Variants in SH3RF3 observed in about 807,000 individuals in gnomAD.
SH3RF3 encodes the protein E3 ubiquitin-protein ligase SH3RF3.
In SH3RF3, 29 loss-of-function variants were observed where a neutral mutation model predicts 66.3. The ratio of observed to expected loss-of-function variants is 0.44; its 90% CI spans 0.33 to 0.60. The LOEUF (loss-of-function observed/expected upper bound fraction) is 0.60. Among genes scored for constraint, SH3RF3 ranks in the 20% least tolerant of loss-of-function variants. SH3RF3 has a pLI of 0.04. For missense variants in SH3RF3, 1,194 were observed against 1,190.9 expected (o/e 1.00, Z -0.04); for synonymous variants, 583 against 532.0 (o/e 1.10, Z -1.32).
chr2:109,233,272 G>A (rs995992208), intron 1 of SH3RF3, among the ~76,000 whole-genome samples: 13 of 152,182 alleles, frequency 8.5e-5, no homozygotes, highest in African/African-American at 3.1e-4. Context: ...GATGGTGAAT[G>A]CAGAGGTTGT....
chr2:109,210,397 C>T (rs1237298640), intron 1 of SH3RF3, among the ~76,000 whole-genome samples: 1 of 152,224 alleles, frequency 6.6e-6, no homozygotes, highest in African/African-American at 2.4e-5. Context: ...TTTCCGTGCT[C>T]CCTCGTTTTG....
chr2:109,435,774 T>A (rs1484014566), intron 6 of SH3RF3, among the ~76,000 whole-genome samples: 2 of 152,346 alleles, frequency 1.3e-5, no homozygotes, highest in East Asian at 3.9e-4. Flanking sequence ...ATTTAGTTTT[T>A]AAAAATGATT....
At chr2:109,288,815 C>CTTTTTTTTTTTTTTTT (rs1559003628) in intron 1 of SH3RF3, among the ~76,000 whole-genome samples, 3 of 152,136 alleles carry the variant, frequency 2.0e-5, no homozygotes, top group African/African-American at 7.2e-5. Flanking sequence ...AAATCACTTT[C>CTTTTTTTTTTTTTTTT]TTATTTAGTA....
chr2:109,477,846 GCT>G (rs1491495080), intron 8 of SH3RF3, among the ~76,000 whole-genome samples: 2 of 152,130 alleles, frequency 1.3e-5, no homozygotes, highest in African/African-American at 4.8e-5. Flanking sequence ...ACCTCCTAAG[GCT>G]ATCACACTGG....
chr2:109,349,086 G>A (rs774123924), intron 2 of SH3RF3, among the ~76,000 whole-genome samples: 2 of 151,788 alleles, frequency 1.3e-5, no homozygotes, highest in African/African-American at 2.4e-5. Flanking sequence ...ATTCTAACTC[G>A]AATCTCTGCT....
At chr2:109,390,142 T>A (rs1443333689) in intron 3 of SH3RF3, among the ~76,000 whole-genome samples, 1 of 152,166 alleles carries the variant, frequency 6.6e-6, no homozygotes, top group African/African-American at 2.4e-5. Context: ...CTGCCAAGGG[T>A]CTGAGGTCTC....
Position 109,347,811 on chromosome 2 carries a change from C to T in SH3RF3, c.711C>T (p.His237=), listed in dbSNP as rs372876669. 208 of 1,613,862 alleles carry T rather than the reference C, an allele frequency of 1.3e-4. No individual in the cohort carries two copies. The Middle Eastern group carries it at 3.0e-3, about 23-fold the overall frequency. Reference sequence around the variant, plus strand: ...AACAGTGGTACCACGGCGAGCTGCACGGCACACAGGGCTTCCTCCCAGCCA... The same window carrying T: ...AACAGTGGTACCACGGCGAGCTGCATGGCACACAGGGCTTCCTCCCAGCCA... ...VDEQWYHGEL[H]GTQGFLPASY... is the part of the protein sequence containing the mutation. The change falls in exon 2 of 10, where the codon CAC becomes CAT. Residue 237 remains histidine (H), a synonymous_variant. Coordinates refer to ENST00000309415, the MANE Select transcript of SH3RF3 (RefSeq NM_001099289.3).
chr2:109,185,084 G>A (rs1259186233), intron 1 of SH3RF3, among the ~76,000 whole-genome samples: 1 of 152,174 alleles, frequency 6.6e-6, no homozygotes, highest in Non-Finnish European at 1.5e-5. Flanking sequence ...CTGTTACACC[G>A]TGGAGATAGT....
At chr2:109,345,854 C>T (rs577939926) in intron 1 of SH3RF3, among the ~76,000 whole-genome samples, 2 of 152,290 alleles carry the variant, frequency 1.3e-5, no homozygotes, top group East Asian at 1.9e-4. Flanking sequence ...AGAGGCTGTC[C>T]TGGGCATTGC....
chr2:109,419,517 G>T, intron 4 of SH3RF3, 22 bp from the exon 5 acceptor site: 7 of 1,573,346 alleles, frequency 4.4e-6, no homozygotes, highest in East Asian at 2.3e-5. Context: ...CCTCACTCCT[G>T]TCCCCTCTTG....
intron 8 of SH3RF3, among the ~76,000 whole-genome samples, chr2:109,477,230 C>T (rs1310913376): frequency 6.6e-6 from 1 of 152,230 alleles, no homozygotes; most frequent in African/African-American, 2.4e-5. Context: ...TGCACACCCT[C>T]ACGTGGTGAC....
At chr2:109,304,973 A>C (rs1681557453) in intron 1 of SH3RF3, among the ~76,000 whole-genome samples, 1 of 152,110 alleles carries the variant, frequency 6.6e-6, no homozygotes, top group African/African-American at 2.4e-5. Flanking sequence ...TATGAGTAGG[A>C]ATGTTTAATG....
intron 1 of SH3RF3, among the ~76,000 whole-genome samples, chr2:109,296,955 C>G (rs1237252232): frequency 6.6e-6 from 1 of 152,106 alleles, no homozygotes; most frequent in Non-Finnish European, 1.5e-5. Context: ...GGGGACCTAC[C>G]CTGAGGAGCT....
chr2:109,501,735 C>T lies in SH3RF3; in HGVS notation c.*64C>T, dbSNP rs760266172. 3 of 695,902 alleles carry T rather than the reference C, an allele frequency of 4.3e-6. No individual in the cohort carries two copies. The highest frequency in any genetic ancestry group is 1.8e-5 in the African/African-American group (1 of 57,088). 43.1% of individuals were successfully genotyped at this position (695,902 alleles called of 1,614,324 possible). A position where few individuals can be genotyped will look rare whatever the true frequency, so the allele number is the denominator to read the frequency against. On this transcript the variant is annotated 3_prime_UTR_variant, in exon 10 of 10. Transcript: ENST00000309415. ...GCCGCCTGGGAAGCTCCACGGCACA[C>T]AGAGAGGGAGCCATGGCGCCCCAAG...
At chr2:109,438,593 C>T (rs533791045) in intron 7 of SH3RF3, among the ~76,000 whole-genome samples, 2 of 152,296 alleles carry the variant, frequency 1.3e-5, no homozygotes, top group South Asian at 4.1e-4. Flanking sequence ...TCTTGGTTTT[C>T]ACACCCCTGG....
intron 1 of SH3RF3, among the ~76,000 whole-genome samples, chr2:109,256,714 G>A (rs962050978): frequency 6.6e-6 from 1 of 152,190 alleles, no homozygotes; most frequent in Non-Finnish European, 1.5e-5. Context: ...CTTGTGTGGA[G>A]TTAACTTTTA....
rs571220760 is a variant in SH3RF3 at position 109,482,219 on chromosome 2, A to G, written c.2149-8386A>G. 2.1e-4 allele frequency among the ~76,000 whole-genome samples: 32 copies of G among 152,294 alleles called. No homozygotes were observed. The South Asian group carries it at 3.7e-3, about 18-fold the overall frequency. On this transcript the variant is annotated intron_variant, in intron 8 of 9. Transcript: ENST00000309415. ...CTTTGAGAATTCAGTGAATGAATGT[A>G]TGGGCAAGACTTAGGACAGTGCCCG...
At chr2:109,294,187 T>C (rs889845967) in intron 1 of SH3RF3, among the ~76,000 whole-genome samples, 33 of 152,206 alleles carry the variant, frequency 2.2e-4, no homozygotes, top group African/African-American at 7.7e-4. Context: ...AGGAGGAATT[T>C]GTATGTCACA....
At chr2:109,317,191 G>A (rs1681905494) in intron 1 of SH3RF3, among the ~76,000 whole-genome samples, 1 of 108,406 alleles carries the variant, frequency 9.2e-6, no homozygotes, top group Non-Finnish European at 1.8e-5. Flanking sequence ...TTTTCATGGT[G>A]TTGGGGTTTT....
Sources: allele counts gnomAD v4.1 joint callset (sites outside exome capture counted in the v4.1 genomes callset), GRCh38; gene constraint gnomAD v4.1.1; transcripts MANE v1.5; gene names NCBI Gene and HGNC (gene_info 2026-07-23, HGNC 2026-07-21).